Variants in WWOX observed in about 807,000 individuals in gnomAD.
WWOX encodes the protein WW domain-containing oxidoreductase.
A neutral mutation model predicts 46.2 loss-of-function variants in WWOX; 69 were observed. That is an observed-to-expected ratio of 1.49 (90% confidence interval 1.23 to 1.82). The LOEUF (loss-of-function observed/expected upper bound fraction) is 1.82, where lower values mean the gene tolerates loss of function less well. Ranked by LOEUF, WWOX falls within the 40% of genes most tolerant of loss-of-function variation. The pLI is 0.00. For synonymous variants in WWOX, 359 were observed against 202.6 expected (o/e 1.77, Z -6.56); for missense variants, 919 against 542.6 (o/e 1.69, Z -6.89).
chr16:78,900,363 C>G (rs769482660), intron 8 of WWOX, among the ~76,000 whole-genome samples: 1 of 152,112 alleles, frequency 6.6e-6, no homozygotes, highest in African/African-American at 2.4e-5. Context: ...TATGCACGCT[C>G]ATATTATTAA....
chr16:78,933,438 C>G (rs960421395), intron 8 of WWOX, among the ~76,000 whole-genome samples: 2 of 151,426 alleles, frequency 1.3e-5, no homozygotes, highest in Non-Finnish European at 1.5e-5. Flanking sequence ...GACTCCGTCT[C>G]AAGAAACAAA....
chr16:79,162,603 C>G (rs1156782120), intron 8 of WWOX, among the ~76,000 whole-genome samples: 1 of 152,164 alleles, frequency 6.6e-6, no homozygotes, highest in Non-Finnish European at 1.5e-5. Context: ...CAATAAAGAT[C>G]AGGCCTTGGG....
At chr16:79,083,220 CA>C (rs2048793078) in intron 8 of WWOX, among the ~76,000 whole-genome samples, 1 of 152,174 alleles carries the variant, frequency 6.6e-6, no homozygotes, top group South Asian at 2.1e-4. Flanking sequence ...CCTCCTTTGA[CA>C]ATAAGCATTG....
At chr16:79,006,310 C>G (rs1467864960) in intron 8 of WWOX, among the ~76,000 whole-genome samples, 1 of 152,126 alleles carries the variant, frequency 6.6e-6, no homozygotes, top group Non-Finnish European at 1.5e-5. Context: ...AGTCCAGGGA[C>G]ACACAGCCGT....
At position 78,461,086 on chromosome 16, in the gene WWOX, C is replaced by T. The variant is rs145570028; in HGVS notation, c.1056+28334C>T. Among the ~76,000 whole-genome samples the T allele has an allele frequency of 3.9e-5, 6 of 152,258 alleles. No homozygotes were observed. The East Asian group carries it at 1.2e-3, about 29-fold the overall frequency. ...GACTATTACTGTGTTGCTTTGGAAG[C>T]TTGATGCCATAACAAAAGTGCAGAA... is the stretch of plus-strand genomic sequence containing the variant. On this transcript the variant is annotated intron_variant, in intron 8 of 8. Transcript: ENST00000566780.
chr16:78,324,576 C>T (rs1020185987), intron 5 of WWOX, among the ~76,000 whole-genome samples: 7 of 151,922 alleles, frequency 4.6e-5, no homozygotes, highest in African/African-American at 9.7e-5. Flanking sequence ...GTGGTAAATG[C>T]GTGTAATGGA....
intron 8 of WWOX, among the ~76,000 whole-genome samples, chr16:79,073,150 G>GTTGTTA (rs147053069): frequency 1.4e-4 from 20 of 143,116 alleles, no homozygotes; most frequent in South Asian, 4.6e-4. Flanking sequence ...GTAGTTATTC[G>GTTGTTA]TTATTATTAT....
At chr16:78,816,907 A>C (rs890591687) in intron 8 of WWOX, among the ~76,000 whole-genome samples, 1 of 152,160 alleles carries the variant, frequency 6.6e-6, no homozygotes, top group Admixed American at 6.5e-5. Flanking sequence ...AGAAATAGCC[A>C]AGATTCCATT....
intron 8 of WWOX, among the ~76,000 whole-genome samples, chr16:78,833,154 G>C (rs1010540632): frequency 6.6e-6 from 1 of 151,612 alleles, no homozygotes; most frequent in African/African-American, 2.4e-5. Flanking sequence ...CGATCCTCCA[G>C]CCTCTGCCTG....
chr16:78,892,162 A>AC (rs1230810802), intron 8 of WWOX: 1 of 152,182 alleles, frequency 6.6e-6, no homozygotes, highest in East Asian at 1.9e-4. Context: ...TGGCAGTGAG[A>AC]CCAGCGGAAT....
At chr16:78,907,356 A>G (rs2044992766) in intron 8 of WWOX, among the ~76,000 whole-genome samples, 1 of 152,184 alleles carries the variant, frequency 6.6e-6, no homozygotes, top group Admixed American at 6.5e-5. Flanking sequence ...ATCTGCAGGA[A>G]TAATTGGGGA....
chr16:78,914,878 C>CAAAAAA (rs1213942556), intron 8 of WWOX, among the ~76,000 whole-genome samples: 2 of 65,676 alleles, frequency 3.0e-5, no homozygotes, highest in Non-Finnish European at 2.7e-5. Flanking sequence ...GACTCCGCCT[C>CAAAAAA]AGAAAAAAAA....
chr16:79,086,704 G>A (rs2048860115), intron 8 of WWOX, among the ~76,000 whole-genome samples: 1 of 152,102 alleles, frequency 6.6e-6, no homozygotes, highest in South Asian at 2.1e-4. Context: ...AACATAGGGA[G>A]ACTCTGTCTC....
intron 8 of WWOX, among the ~76,000 whole-genome samples, chr16:78,753,856 G>A (rs4887978): frequency 0.34 from 18,753 of 55,290 alleles, 3,524 homozygotes; most frequent in Non-Finnish European, 0.44. Flanking sequence ...ATATATATAT[G>A]TATATGTATA....
intron 8 of WWOX, chr16:79,206,254 CAG>C: frequency 6.6e-6 from 1 of 152,328 alleles, no homozygotes; most frequent in East Asian, 1.9e-4. Context: ...GCAGAGCAGG[CAG>C]AGAGGCATAG....
intron 1 of WWOX, among the ~76,000 whole-genome samples, chr16:78,101,872 A>G: frequency 6.6e-6 from 1 of 152,152 alleles, no homozygotes; most frequent in East Asian, 1.9e-4. Flanking sequence ...ACCCAATCTT[A>G]TTAGGGCACA....
At chr16:79,039,178 A>C (rs2047924697) in intron 8 of WWOX, among the ~76,000 whole-genome samples, 1 of 152,134 alleles carries the variant, frequency 6.6e-6, no homozygotes. Context: ...TGCTCATGTT[A>C]CGGTTTTGAA....
chr16:79,024,135 A>G (rs1218610289), intron 8 of WWOX, among the ~76,000 whole-genome samples: 1 of 152,192 alleles, frequency 6.6e-6, no homozygotes, highest in Non-Finnish European at 1.5e-5. Context: ...AAAGCATTCA[A>G]GGTTTCTTTT....
intron 8 of WWOX, among the ~76,000 whole-genome samples, chr16:79,180,542 G>A (rs2050889828): frequency 6.6e-6 from 1 of 152,148 alleles, no homozygotes; most frequent in Non-Finnish European, 1.5e-5. Flanking sequence ...AAGGAGATAG[G>A]GGCAGGAGGA....
Sources: allele counts gnomAD v4.1 joint callset (sites outside exome capture counted in the v4.1 genomes callset), GRCh38; gene constraint gnomAD v4.1.1; transcripts MANE v1.5; gene names NCBI Gene and HGNC (gene_info 2026-07-23, HGNC 2026-07-21).